The following SLC5A1 variants were observed in gnomAD, a reference collection of about 807,000 sequenced individuals.
The protein encoded by SLC5A1 is sodium/glucose cotransporter 1.
Under a neutral mutation model 73.5 loss-of-function variants are expected in SLC5A1, and 42 were observed. That is an observed-to-expected ratio of 0.57 (90% CI 0.45 to 0.74). The LOEUF is 0.74. Among genes scored for constraint, SLC5A1 ranks in the 30% least tolerant of loss-of-function variants. SLC5A1 has a pLI of 0.00. For synonymous variants in SLC5A1, 300 were observed against 317.4 expected (o/e 0.95, Z 0.58); for missense variants, 634 against 855.4 (o/e 0.74, Z 3.23).
At position 32,110,536 on chromosome 22, in the gene SLC5A1, G is replaced by T. The variant is rs1323790819; in HGVS notation, c.*323G>T. ...GTGAGTCTGTCTCAGGTAGATTCCG[G>T]GTGTCAGTGTGGTTTATAATCCTTG... On this transcript the variant is annotated 3_prime_UTR_variant, in exon 15 of 15. Transcript: ENST00000266088. The T allele has an allele frequency of 4.8e-6, 2 of 413,624 alleles. No homozygotes were observed. The highest frequency in any genetic ancestry group is 9.1e-6 in the Non-Finnish European group (2 of 220,596). 25.6% of individuals were successfully genotyped at this position (413,624 alleles called of 1,614,324 possible). A position where few individuals can be genotyped will look rare whatever the true frequency, so the allele number is the denominator to read the frequency against.
intron 2 of SLC5A1, among the ~76,000 whole-genome samples, chr22:32,063,617 C>T (rs2093967315): frequency 6.6e-6 from 1 of 151,974 alleles, no homozygotes; most frequent in Non-Finnish European, 1.5e-5. Flanking sequence ...CTGAATAGGT[C>T]AGTGTTATGA....
intron 2 of SLC5A1, among the ~76,000 whole-genome samples, chr22:32,050,321 T>G (rs1042500369): frequency 1.3e-5 from 2 of 152,206 alleles, no homozygotes; most frequent in Admixed American, 1.3e-4. Context: ...CCAAGGAACA[T>G]ATCACAGGGG....
chr22:32,103,330 T>C (rs548503352), intron 13 of SLC5A1, among the ~76,000 whole-genome samples: 1 of 152,356 alleles, frequency 6.6e-6, no homozygotes, highest in East Asian at 1.9e-4. Flanking sequence ...GATGTTGACA[T>C]GCCACAACAT....
rs1569298594 is a variant in SLC5A1 at position 32,049,091 on chromosome 22, A to AT, written c.136-852_136-851insT. Among the ~76,000 whole-genome samples the AT allele has an allele frequency of 6.3e-3, 807 of 129,014 alleles. 5 individuals are homozygous for AT. The highest frequency in any genetic ancestry group is 0.012 in the African/African-American group (355 of 29,292). 84.6% of individuals were successfully genotyped at this position (129,014 alleles called of 152,430 possible). A position where few individuals can be genotyped will look rare whatever the true frequency, so the allele number is the denominator to read the frequency against. Reference sequence around the variant, plus strand: ...TTTGTCTAAAATAAATAAATAAATAAATATATATATATATATATATAATCA... The same window carrying AT: ...TTTGTCTAAAATAAATAAATAAATAATATATATATATATATATATATAATCA... On this transcript the variant is annotated intron_variant, in intron 1 of 14. Transcript: ENST00000266088.
intron 1 of SLC5A1, among the ~76,000 whole-genome samples, chr22:32,047,646 A>G (rs563746977): frequency 2.6e-5 from 4 of 152,262 alleles, no homozygotes; most frequent in South Asian, 2.1e-4. Flanking sequence ...CAAGAAATCT[A>G]TGTTGACTGA....
intron 5 of SLC5A1, among the ~76,000 whole-genome samples, chr22:32,069,584 A>G (rs2093979559): frequency 6.6e-6 from 1 of 152,182 alleles, no homozygotes; most frequent in Admixed American, 6.5e-5. Context: ...GAGGTAATGT[A>G]TATGTTAATT....
At chr22:32,070,847 C>T (rs1396833058) in intron 5 of SLC5A1, among the ~76,000 whole-genome samples, 1 of 151,896 alleles carries the variant, frequency 6.6e-6, no homozygotes, top group Non-Finnish European at 1.5e-5. Context: ...CCCAAGGTGA[C>T]TGTCAGTCTG....
rs1491359408 is a variant in SLC5A1, at chr22:32,049,090, A to AT, written c.136-853_136-852insT. On this transcript the variant is annotated intron_variant, in intron 1 of 14. Transcript: ENST00000266088. ...CTTTGTCTAAAATAAATAAATAAATAAATATATATATATATATATATAATC... is the reference window on the plus strand; with the variant it reads ...CTTTGTCTAAAATAAATAAATAAATATAATATATATATATATATATATAATC... 7.2e-3 allele frequency among the ~76,000 whole-genome samples: 886 copies of AT among 123,478 alleles called. 6 individuals carry two copies. The highest frequency in any genetic ancestry group is 0.017 in the African/African-American group (411 of 24,554). The allele number at this position is 123,478 out of a possible 152,430, so 81.0% of individuals were successfully genotyped here. A position where few individuals can be genotyped will look rare whatever the true frequency, so the allele number is the denominator to read the frequency against.
rs760678226 is a variant in SLC5A1 at position 32,102,018 on chromosome 22, A to G, written c.1450-4A>G. ...ATGAGTTAACCCAGGGTTTTCTTTC[A>G]CAGGGAGCCTTTTGGGGACTGATCC... On this transcript the variant is annotated splice_region_variant and splice_polypyrimidine_tract_variant and intron_variant, in intron 12 of 14. Transcript: ENST00000266088. 1.9e-6 allele frequency: 3 copies of G among 1,612,256 alleles called. No individual in the cohort carries two copies. In the South Asian group the frequency reaches 3.3e-5, roughly 18 times the overall value.
rs1308621529 is a variant in SLC5A1 at position 32,043,765 on chromosome 22, A to T, written c.135+349A>T. On this transcript the variant is annotated intron_variant, in intron 1 of 14. Transcript: ENST00000266088. This position sits in a 1 kb window ranked among gnomAD's most constrained non-coding sequence, Gnocchi z 6.5. Reference sequence around the variant, plus strand: ...GGAGGGCTCTGGGGCTTGGGAGATGAGCCTCTAGCAGGTGACTACTGTCCT... The same window carrying T: ...GGAGGGCTCTGGGGCTTGGGAGATGTGCCTCTAGCAGGTGACTACTGTCCT... Among the ~76,000 whole-genome samples, 1 of 152,160 alleles carries T rather than the reference A, an allele frequency of 6.6e-6. No homozygotes were observed. The highest frequency in any genetic ancestry group is 1.5e-5 in the Non-Finnish European group (1 of 68,018).
chr22:32,055,437 A>C (rs1449705508), intron 2 of SLC5A1, among the ~76,000 whole-genome samples: 16 of 152,212 alleles, frequency 1.1e-4, no homozygotes, highest in Non-Finnish European at 1.2e-4. Context: ...GTGGAAAGAG[A>C]GAGCTTCCTA....
At chr22:32,093,582 CTCTT>C (rs558483385) in intron 11 of SLC5A1, among the ~76,000 whole-genome samples, 54 of 150,760 alleles carry the variant, frequency 3.6e-4, no homozygotes, top group East Asian at 5.8e-4. Context: ...TCTCTTCTCT[CTCTT>C]TCTTTTTTTT....
intron 1 of SLC5A1, among the ~76,000 whole-genome samples, chr22:32,049,207 CTATATCTATATCTATATCTATATA>C (rs1569298778): frequency 9.7e-4 from 47 of 48,604 alleles, no homozygotes; most frequent in Middle Eastern, 0.015. Context: ...ATATCTATAT[CTATATCTATATCTATATCTATATA>C]TATGATGATT....
At chr22:32,044,514 T>TG (rs2093934515) in intron 1 of SLC5A1, among the ~76,000 whole-genome samples, 1 of 147,678 alleles carries the variant, frequency 6.8e-6, no homozygotes, top group Non-Finnish European at 1.5e-5. Context: ...CAAAAGGAAG[T>TG]GTTTTTTTTT....
intron 11 of SLC5A1, among the ~76,000 whole-genome samples, chr22:32,097,225 G>A (rs1024603842): frequency 2.6e-5 from 4 of 152,190 alleles, no homozygotes; most frequent in African/African-American, 7.2e-5. Flanking sequence ...TCTGCTGTGG[G>A]GACTGTAAGA....
In SLC5A1 at chr22:32,091,603, C is replaced by T. The variant is rs33914280; in HGVS notation, c.1130-9C>T. ...TGTTATGTGCCACTCAAAAATCCTT[C>T]TCTTCCAGGACTGCGAGGCCTGATG... On this transcript the variant is annotated splice_polypyrimidine_tract_variant and intron_variant, in intron 10 of 14. Coordinates refer to ENST00000266088, the MANE Select transcript of SLC5A1 (RefSeq NM_000343.4). 13,668 of 1,613,966 alleles carry T rather than the reference C, an allele frequency of 8.5e-3. 80 individuals are homozygous for T. Among genetic ancestry groups the T allele is most frequent in the Non-Finnish European group, 9.7e-3 (11,490 of 1,179,920 alleles).
intron 2 of SLC5A1, among the ~76,000 whole-genome samples, chr22:32,062,629 C>T (rs963419882): frequency 6.6e-6 from 1 of 152,122 alleles, no homozygotes; most frequent in Non-Finnish European, 1.5e-5. Flanking sequence ...TTCACAGGAA[C>T]ATGGGGGAGA....
intron 5 of SLC5A1, among the ~76,000 whole-genome samples, chr22:32,080,433 A>T (rs2093997742): frequency 6.6e-6 from 1 of 152,084 alleles, no homozygotes; most frequent in Non-Finnish European, 1.5e-5. Flanking sequence ...TTCTCATAGG[A>T]GGGACAGGCA....
chr22:32,101,147 T>C (rs2094035596), intron 12 of SLC5A1, among the ~76,000 whole-genome samples: 1 of 152,164 alleles, frequency 6.6e-6, no homozygotes, highest in Non-Finnish European at 1.5e-5. Flanking sequence ...GAATAGAAAG[T>C]GCAGGGATAC....
Sources: allele counts gnomAD v4.1 joint callset (sites outside exome capture counted in the v4.1 genomes callset), GRCh38; gene constraint gnomAD v4.1.1; non-coding constraint Gnocchi (gnomAD v3.1); transcripts MANE v1.5; gene names NCBI Gene and HGNC (gene_info 2026-07-23, HGNC 2026-07-21).